Variants in SPEF2 observed in about 807,000 individuals in gnomAD.
The protein encoded by SPEF2 is sperm flagella and cilia-associated protein 2.
Under a neutral mutation model 224.6 loss-of-function variants are expected in SPEF2, and 187 were observed. That is an observed-to-expected ratio of 0.83 (90% CI 0.74 to 0.94). The LOEUF (loss-of-function observed/expected upper bound fraction) is 0.94, where lower values mean the gene tolerates loss of function less well. SPEF2 is among the 40% of genes least tolerant of loss of function. The pLI, the probability that SPEF2 is intolerant of heterozygous loss-of-function variation, is 0.00. For synonymous variants in SPEF2, 715 were observed against 707.3 expected (o/e 1.01, Z -0.17); for missense variants, 2,170 against 2,135.6 (o/e 1.02, Z -0.32).
Position 35,635,301 on chromosome 5 carries a change from T to C in SPEF2, c.162-6130T>C, listed in dbSNP as rs73078274. Among the ~76,000 whole-genome samples the C allele has an allele frequency of 7.0e-3, 1,060 of 152,306 alleles. 13 individuals are homozygous for C. The highest frequency in any genetic ancestry group is 0.025 in the African/African-American group (1,027 of 41,580). On this transcript the variant is annotated intron_variant, in intron 2 of 36. Coordinates refer to ENST00000356031, the MANE Select transcript of SPEF2 (RefSeq NM_024867.4). ...TTCCTATTTTTATAACTTCTATTTC[T>C]GTATTGATACTCTCTTATTGTTGAA...
Position 35,692,601 on chromosome 5 carries a change from T to G in SPEF2, c.1776T>G (p.Thr592=). 1.2e-6 allele frequency: 2 copies of G among 1,613,084 alleles called. No homozygotes were observed. The highest frequency in any genetic ancestry group is 1.7e-6 in the Non-Finnish European group (2 of 1,179,332). ...DFPIQILSID[T]LVQEAIQAFH... ...CTATACAGATACTTTCTATTGACAC[T>G]CTTGTCCAAGAAGCTATCCAAGCAT... is the stretch of plus-strand genomic sequence containing the variant. The change falls in exon 12 of 37, where the codon ACT becomes ACG. Residue 592 remains threonine (T), a synonymous_variant. Transcript: ENST00000356031.
chr5:35,735,988 A>T, intron 21 of SPEF2, among the ~76,000 whole-genome samples: 1 of 152,216 alleles, frequency 6.6e-6, no homozygotes, highest in East Asian at 1.9e-4. Context: ...TGTCCCAAAC[A>T]CTATGGTAAT....
chr5:35,696,202 C>T (rs1000676355), intron 14 of SPEF2, among the ~76,000 whole-genome samples: 3 of 152,102 alleles, frequency 2.0e-5, no homozygotes, highest in African/African-American at 7.2e-5. Flanking sequence ...AAACTGTTTA[C>T]AACAGTTCAC....
At chr5:35,703,668 G>A (rs867549078) in intron 16 of SPEF2, among the ~76,000 whole-genome samples, 6 of 152,088 alleles carry the variant, frequency 3.9e-5, no homozygotes, top group Non-Finnish European at 5.9e-5. Context: ...GCGAGGTAGC[G>A]ACCATGAGAT....
Position 35,729,173 on chromosome 5 carries a change from G to C in SPEF2, c.3063+1350G>C, listed in dbSNP as rs967360087. On this transcript the variant is annotated intron_variant, in intron 21 of 36. Coordinates refer to ENST00000356031, the MANE Select transcript of SPEF2 (RefSeq NM_024867.4). ...TTCTATAGAAAACATGATAATTTGA[G>C]GAGAGTAGAATAAAAGACTATTTAC... is the stretch of plus-strand genomic sequence containing the variant. 5.3e-5 allele frequency among the ~76,000 whole-genome samples: 8 copies of C among 152,120 alleles called. No individual in the cohort carries two copies. In the South Asian group the frequency reaches 8.3e-4, roughly 16 times the overall value.
chr5:35,677,076 AG>A (rs1280639728), intron 10 of SPEF2, among the ~76,000 whole-genome samples: 1 of 152,178 alleles, frequency 6.6e-6, no homozygotes, highest in African/African-American at 2.4e-5. Context: ...TAGTCATTAT[AG>A]AAGAGGGTAT....
chr5:35,674,392 T>A (rs1251986089), intron 10 of SPEF2, among the ~76,000 whole-genome samples: 4 of 149,284 alleles, frequency 2.7e-5, no homozygotes, highest in East Asian at 1.9e-4. Context: ...TTATTATTAT[T>A]ATATTTTAAG....
At chr5:35,671,078 G>T in intron 10 of SPEF2, 3 of 985,256 alleles carry the variant, frequency 3.0e-6, no homozygotes, top group Non-Finnish European at 3.6e-6. Context: ...GAGGAGTGAG[G>T]CTTTTTATTA....
chr5:35,781,062 C>T (rs554426571), intron 30 of SPEF2, among the ~76,000 whole-genome samples: 1 of 151,298 alleles, frequency 6.6e-6, no homozygotes, highest in Non-Finnish European at 1.5e-5. Context: ...AAGATGTCAA[C>T]AGATAAATGT....
intron 25 of SPEF2, 59 bp downstream of exon 25, chr5:35,759,778 AAATT>A: frequency 5.0e-6 from 7 of 1,397,784 alleles, no homozygotes; most frequent in Non-Finnish European, 6.6e-6. Context: ...TTGTGATTTA[AAATT>A]AATTACCACT....
chr5:35,695,804 T>G lies in SPEF2; in HGVS notation c.2037+8T>G. On this transcript the variant is annotated splice_region_variant and intron_variant, in intron 14 of 36. Transcript: ENST00000356031. The stretch of plus-strand genomic sequence containing the variant: ...AGTGATAGTTTCTTAAAAGTAAGTA[T>G]TATGATCTAATTTTAGCTACTAACA... 6.3e-7 allele frequency: 1 copy of G among 1,594,462 alleles called. No homozygotes were observed. Among genetic ancestry groups the G allele is most frequent in the Non-Finnish European group, 8.6e-7 (1 of 1,166,972 alleles).
At chr5:35,800,443 A>G (rs2149854023) in intron 34 of SPEF2, among the ~76,000 whole-genome samples, 1 of 152,304 alleles carries the variant, frequency 6.6e-6, no homozygotes, top group East Asian at 1.9e-4. Flanking sequence ...TGATCCTGAT[A>G]AATGAAACAG....
intron 26 of SPEF2, among the ~76,000 whole-genome samples, chr5:35,767,221 A>G (rs1394782056): frequency 6.6e-6 from 1 of 152,038 alleles, no homozygotes; most frequent in African/African-American, 2.4e-5. Context: ...TTGGGAAAAT[A>G]TAGATTTTAA....
Position 35,793,301 on chromosome 5 carries a change from A to C in SPEF2, c.4697A>C (p.Lys1566Thr). Residue 1566 changes from lysine (K) to threonine (T), a missense_variant, in exon 32 of 37, where the codon AAG becomes ACG. By Grantham distance (78) the Lys-to-Thr change is moderately conservative. Coordinates refer to ENST00000356031, the MANE Select transcript of SPEF2 (RefSeq NM_024867.4). ...CTTCAGAAGTTCAAGGCTGTGGATA[A>C]GGAGCAGTTGGGCACCATCACTTTT... is the stretch of plus-strand genomic sequence containing the variant. Reference protein sequence around the residue: ...ETLQKFKAVDKEQLGTITFEQ... With the variant: ...ETLQKFKAVDTEQLGTITFEQ... 1 of 1,614,138 alleles carries C rather than the reference A, an allele frequency of 6.2e-7. No individual in the cohort carries two copies. Among genetic ancestry groups the C allele is most frequent in the South Asian group, 1.1e-5 (1 of 91,070 alleles).
intron 23 of SPEF2, among the ~76,000 whole-genome samples, chr5:35,740,899 C>T (rs1251822396): frequency 6.6e-6 from 1 of 152,172 alleles, no homozygotes; most frequent in Non-Finnish European, 1.5e-5. Flanking sequence ...ACACACCCCC[C>T]CTTATCCCAT....
chr5:35,728,852 C>T (rs1018249478), intron 21 of SPEF2, among the ~76,000 whole-genome samples: 3 of 151,832 alleles, frequency 2.0e-5, no homozygotes, highest in African/African-American at 7.3e-5. Flanking sequence ...CAAACAGAAG[C>T]TACTTTAATA....
chr5:35,689,684 C>T (rs1260992066), intron 10 of SPEF2, among the ~76,000 whole-genome samples: 1 of 152,148 alleles, frequency 6.6e-6, no homozygotes, highest in East Asian at 1.9e-4. Flanking sequence ...GACAAGATAT[C>T]ATTATTTTTT....
intron 21 of SPEF2, among the ~76,000 whole-genome samples, chr5:35,729,562 G>GT (rs1483490672): frequency 6.6e-6 from 1 of 152,164 alleles, no homozygotes; most frequent in Non-Finnish European, 1.5e-5. Context: ...CATTTCCTAT[G>GT]TAAGGCCAGG....
At position 35,810,757 on chromosome 5, in the gene SPEF2, G is replaced by T. The variant is rs554275477; in HGVS notation, c.5379+3504G>T. Reference sequence around the variant, plus strand: ...TGGCTGAAAGCCACCCAGCAGCAGGGTGTCTGTCTTCTGTTAACCAGTCTC... The same window carrying T: ...TGGCTGAAAGCCACCCAGCAGCAGGTTGTCTGTCTTCTGTTAACCAGTCTC... On this transcript the variant is annotated intron_variant, in intron 36 of 36. Transcript: ENST00000356031. Among the ~76,000 whole-genome samples, 7 of 152,336 alleles carry T rather than the reference G, an allele frequency of 4.6e-5. No individual in the cohort carries two copies. The South Asian group carries it at 1.5e-3, about 32-fold the overall frequency.
Sources: allele counts gnomAD v4.1 joint callset (sites outside exome capture counted in the v4.1 genomes callset), GRCh38; gene constraint gnomAD v4.1.1; transcripts MANE v1.5; gene names NCBI Gene and HGNC (gene_info 2026-07-23, HGNC 2026-07-21).